Variants in MZT2B observed in about 807,000 individuals in gnomAD.
The protein encoded by MZT2B is mitotic-spindle organizing protein 2B.
MZT2B carries 11 observed loss-of-function variants against 12.1 expected under a neutral mutation model. That is an observed-to-expected ratio of 0.91 (90% CI 0.57 to 1.50). MZT2B has a LOEUF of 1.50. Among genes scored for constraint, MZT2B ranks in the 40% most tolerant of loss-of-function variants. The pLI is 0.00. For missense variants in MZT2B, 209 were observed against 227.7 expected (o/e 0.92, Z 0.53); for synonymous variants, 85 against 109.5 (o/e 0.78, Z 1.40).
chr2:130,182,330 G>A lies in MZT2B; in HGVS notation c.48G>A (p.Pro16=), dbSNP rs537876745. The part of the protein sequence containing the change: ...VGPGPGSAAP[P]GLEAARQKLA... ...CTGGGCCGGGGTCGGCGGCGCCCCC[G>A]GGGCTGGAGGCGGCCCGGCAGAAGC... Residue 16 remains proline, a synonymous_variant, in exon 1 of 3, where the codon CCG becomes CCA. Coordinates refer to ENST00000281871, the MANE Select transcript of MZT2B (RefSeq NM_025029.5). 2.5e-5 allele frequency: 38 copies of A among 1,524,122 alleles called. No homozygotes were observed. The South Asian group carries it at 4.0e-4, about 16-fold the overall frequency. 94.4% of individuals were successfully genotyped at this position (1,524,122 alleles called of 1,614,324 possible).
chr2:130,185,885 C>T (rs1178861015), intron 2 of MZT2B, among the ~76,000 whole-genome samples: 2 of 152,070 alleles, frequency 1.3e-5, no homozygotes, highest in Non-Finnish European at 2.9e-5. Context: ...GGAAGCATAG[C>T]CCAGGTCCTG....
At chr2:130,201,737 ATCAGGTAATT>A in the MZT2B span, among the ~76,000 whole-genome samples, 1 of 152,202 alleles carries the variant, frequency 6.6e-6, no homozygotes, top group African/African-American at 2.4e-5. Flanking sequence ...ACAATGCATC[ATCAGGTAATT>A]TCGTTGACGT....
intron 2 of MZT2B, chr2:130,182,999 C>A (rs1689838949): frequency 2.5e-6 from 2 of 796,722 alleles, no homozygotes; most frequent in Non-Finnish European, 3.8e-6. Context: ...CCAGGGTGGT[C>A]CAGGCTGGGT....
At chr2:130,194,297 A>C (rs200659693), downstream of MZT2B, 10 of 1,610,552 alleles carry the variant, frequency 6.2e-6, no homozygotes, top group Admixed American at 8.4e-5. Flanking sequence ...GTAGGGCTCC[A>C]CCACGGCTGT....
intron 2 of MZT2B, among the ~76,000 whole-genome samples, chr2:130,185,302 C>G (rs1295848286): frequency 7.7e-6 from 1 of 129,958 alleles, no homozygotes; most frequent in African/African-American, 3.1e-5. Flanking sequence ...CAGAGCGAGA[C>G]TCCGTCTCAA....
downstream of MZT2B, among the ~76,000 whole-genome samples, chr2:130,192,821 T>C (rs1190633171): frequency 1.3e-5 from 2 of 152,094 alleles, no homozygotes; most frequent in East Asian, 3.9e-4. Context: ...TCAGGCCAGG[T>C]GTGGTGGCTC....
upstream of MZT2B, chr2:130,182,074 C>G: frequency 1.5e-6 from 2 of 1,348,570 alleles, no homozygotes; most frequent in Non-Finnish European, 1.9e-6. Context: ...ATGCCACTCC[C>G]GGCTCCTAGA....
chr2:130,191,760 A>G (rs915951919), downstream of MZT2B: 1 of 1,559,580 alleles, frequency 6.4e-7, no homozygotes, highest in Non-Finnish European at 8.7e-7. Context: ...TTTATACAGA[A>G]TCTTTAATTG....
chr2:130,183,023 T>G, intron 2 of MZT2B: 3 of 626,870 alleles, frequency 4.8e-6, no homozygotes, highest in Non-Finnish European at 8.0e-6. Context: ...GCTCCTCCGC[T>G]TAGCTCCCCT....
At chr2:130,190,132 T>C (rs1258635816) in intron 2 of MZT2B, among the ~76,000 whole-genome samples, 1 of 152,210 alleles carries the variant, frequency 6.6e-6, no homozygotes, top group Admixed American at 6.5e-5. Flanking sequence ...CTAGGTTTGC[T>C]GACCAGGCTA....
chr2:130,196,312 C>T, the MZT2B span: 1 of 1,613,980 alleles, frequency 6.2e-7, no homozygotes, highest in South Asian at 1.1e-5. Context: ...AGTACAGTTC[C>T]CAGCAGGCAT....
chr2:130,201,207 C>T, the MZT2B span, among the ~76,000 whole-genome samples: 2 of 152,202 alleles, frequency 1.3e-5, no homozygotes, highest in Non-Finnish European at 2.9e-5. Context: ...GGGGCAGGGA[C>T]GGAGTTCTGC....
the MZT2B span, among the ~76,000 whole-genome samples, chr2:130,196,864 C>T: frequency 7.1e-3 from 1,077 of 152,290 alleles, 10 homozygotes; most frequent in African/African-American, 0.022. Flanking sequence ...CTGCTCTGTG[C>T]TCTCGAAGGC....
At chr2:130,182,152 G>C, upstream of MZT2B, 2 of 1,255,622 alleles carry the variant, frequency 1.6e-6, no homozygotes, top group Non-Finnish European at 2.0e-6. Context: ...AGGCGGCCCC[G>C]TCCCCGCGCT....
chr2:130,200,114 G>A, the MZT2B span, among the ~76,000 whole-genome samples: 9 of 149,134 alleles, frequency 6.0e-5, no homozygotes, highest in Non-Finnish European at 1.0e-4. Flanking sequence ...AAAGAAGGCA[G>A]GGCGTGGTGG....
downstream of MZT2B, chr2:130,193,935 C>T (rs1466136673): frequency 2.5e-6 from 4 of 1,614,118 alleles, no homozygotes; most frequent in Non-Finnish European, 3.4e-6. Context: ...TCACACTTGA[C>T]CATCTGATTG....
intron 2 of MZT2B, among the ~76,000 whole-genome samples, chr2:130,189,130 C>A (rs1690169178): frequency 6.6e-6 from 1 of 152,082 alleles, no homozygotes; most frequent in Non-Finnish European, 1.5e-5. Context: ...CCAGGGTGGT[C>A]AGTCCAAAGC....
intron 2 of MZT2B, chr2:130,183,898 ACT>A (rs1392697976): frequency 1.3e-6 from 2 of 1,548,090 alleles, no homozygotes; most frequent in Non-Finnish European, 1.7e-6. Flanking sequence ...GCTGCCACAC[ACT>A]CGCCTCTCTC....
At chr2:130,183,923 G>T (rs557279045) in intron 2 of MZT2B, 4 of 1,550,384 alleles carry the variant, frequency 2.6e-6, no homozygotes, top group Non-Finnish European at 3.5e-6. Flanking sequence ...CAGGCCCCCC[G>T]GGTTCCCTCC....
Sources: allele counts gnomAD v4.1 joint callset (sites outside exome capture counted in the v4.1 genomes callset), GRCh38; gene constraint gnomAD v4.1.1; transcripts MANE v1.5; gene names NCBI Gene and HGNC (gene_info 2026-07-23, HGNC 2026-07-21).